NDUFAF3: variants seen among roughly 807,000 people sequenced by gnomAD.
NDUFAF3 encodes the protein NADH:ubiquinone oxidoreductase complex assembly factor 3.
In NDUFAF3, 21 loss-of-function variants were observed where a neutral mutation model predicts 22.6. The observed-to-expected ratio is 0.93, with a 90% CI of 0.66 to 1.34. The LOEUF (loss-of-function observed/expected upper bound fraction) is 1.34. Ranked by LOEUF, NDUFAF3 falls within the 40% of genes most tolerant of loss-of-function variation. The probability of loss-of-function intolerance (pLI) is 0.00; values close to 1 mark genes in which losing one functional copy is unlikely to be tolerated. For missense variants in NDUFAF3, 251 were observed against 248.4 expected (o/e 1.01, Z -0.07); for synonymous variants, 113 against 104.9 (o/e 1.08, Z -0.47).
chr3:49,022,385 C>T lies in NDUFAF3; in HGVS notation c.117C>T (p.Asp39=), dbSNP rs549232705. The change falls in exon 2 of 5, where the codon GAC becomes GAT. Residue 39 remains aspartate, a synonymous_variant. Transcript: ENST00000326925. The surrounding 1 kb of genome is among the most constrained non-coding windows in gnomAD (Gnocchi z 6.6). ...RRGHRLSPAD[D]ELYQRTRISL... is the part of the protein sequence containing the mutation. ...GGCATCGGCTCTCGCCGGCGGATGA[C>T]GAGCTGTATCAGCGGACGCGCATCT... 1.3e-5 allele frequency: 21 copies of T among 1,612,750 alleles called. No individual in the cohort carries two copies. The East Asian group carries it at 4.2e-4, about 33-fold the overall frequency.
upstream of NDUFAF3, chr3:49,022,081 G>T: frequency 1.3e-6 from 2 of 1,535,048 alleles, no homozygotes; most frequent in Admixed American, 1.9e-5. The surrounding 1 kb of genome is among the most constrained non-coding windows in gnomAD (Gnocchi z 6.6). Context: ...GTCAGGCTCC[G>T]CAGGGCCCTC....
chr3:49,022,570 G>A lies in NDUFAF3; in HGVS notation c.270+32G>A, dbSNP rs747237900. 1.9e-6 allele frequency: 3 copies of A among 1,613,334 alleles called. No individual in the cohort carries two copies. Among genetic ancestry groups the A allele is most frequent in the Non-Finnish European group, 2.5e-6 (3 of 1,179,914 alleles). On this transcript the variant is annotated intron_variant, in intron 2 of 4. Transcript: ENST00000326925. This position sits in a 1 kb window ranked among gnomAD's most constrained non-coding sequence, Gnocchi z 6.6. ...CCTGGCCCGCAGTGTGGAAACTGAGGCCCAGAGTCACAGGCCCTCACCCTG... is the reference window on the plus strand; with the variant it reads ...CCTGGCCCGCAGTGTGGAAACTGAGACCCAGAGTCACAGGCCCTCACCCTG...
At position 49,022,603 on chromosome 3, in the gene NDUFAF3, C is replaced by T. The variant is rs1227325623; in HGVS notation, c.270+65C>T. 6.2e-6 allele frequency: 10 copies of T among 1,613,068 alleles called. No individual in the cohort carries two copies. The highest frequency in any genetic ancestry group is 7.6e-6 in the Non-Finnish European group (9 of 1,179,456). On this transcript the variant is annotated intron_variant, in intron 2 of 4. Transcript: ENST00000326925. The surrounding 1 kb of genome is among the most constrained non-coding windows in gnomAD (Gnocchi z 6.6). ...TCACAGGCCCTCACCCTGCTTGGTCCCTGCAAACTTGGCTTTCCTCTGTCT... is the reference window on the plus strand; with the variant it reads ...TCACAGGCCCTCACCCTGCTTGGTCTCTGCAAACTTGGCTTTCCTCTGTCT...
chr3:49,020,942 C>G (rs540146811), upstream of NDUFAF3: 3 of 180,132 alleles, frequency 1.7e-5, 1 homozygote, highest in African/African-American at 7.1e-5. Context: ...CCCTGTTGGT[C>G]CCACGAAGCC....
At position 49,022,774 on chromosome 3, in the gene NDUFAF3, G is replaced by C. The variant is rs773511739; in HGVS notation, c.337+6G>C. On this transcript the variant is annotated splice_donor_region_variant and intron_variant, in intron 3 of 4. Transcript: ENST00000326925. The surrounding 1 kb of genome is among the most constrained non-coding windows in gnomAD (Gnocchi z 6.6). ...GTTGCTGGAGCCCCGGATAGGTACT[G>C]GGGAAGGGGAGGGAGAACAGAGGTG... The C allele has an allele frequency of 6.2e-7, 1 of 1,614,006 alleles. No homozygotes were observed. Among genetic ancestry groups the C allele is most frequent in the Non-Finnish European group, 8.5e-7 (1 of 1,180,020 alleles).
chr3:49,022,622 T>G lies in NDUFAF3; in HGVS notation c.271-80T>G. ...TTGGTCCCTGCAAACTTGGCTTTCC[T>G]CTGTCTCCTCCTGCAGTGGATGGAG... On this transcript the variant is annotated intron_variant, in intron 2 of 4. Coordinates refer to ENST00000326925, the MANE Select transcript of NDUFAF3 (RefSeq NM_199069.2). The surrounding 1 kb of genome is among the most constrained non-coding windows in gnomAD (Gnocchi z 6.6). 3 of 1,613,012 alleles carry G rather than the reference T, an allele frequency of 1.9e-6. No individual in the cohort carries two copies. The highest frequency in any genetic ancestry group is 2.5e-6 in the Non-Finnish European group (3 of 1,179,168).
Position 49,022,947 on chromosome 3 carries a change from CGGGGCATT to C in NDUFAF3, c.411_418del (p.Gly138CysfsTer19). Reference sequence around the variant, plus strand: ...CCAGGTGCTTCAAGCCATGAGGCAGCGGGGCATTGCTGTGGAAGTGCAGGACACGGTGA... The same window carrying C: ...CCAGGTGCTTCAAGCCATGAGGCAGCGCTGTGGAAGTGCAGGACACGGTGA... On this transcript the variant is annotated frameshift_variant, in exon 4 of 5. Transcript: ENST00000326925. LOFTEE classifies it high-confidence loss of function. The surrounding 1 kb of genome is among the most constrained non-coding windows in gnomAD (Gnocchi z 6.6). 2 of 1,614,032 alleles carry C rather than the reference CGGGGCATT, an allele frequency of 1.2e-6. No individual in the cohort carries two copies. The highest frequency in any genetic ancestry group is 2.2e-5 in the South Asian group (2 of 91,062).
chr3:49,023,025 A>G (rs750140699), intron 4 of NDUFAF3, 31 bp from the exon 5 acceptor site: 1 of 1,612,616 alleles, frequency 6.2e-7, no homozygotes, highest in Non-Finnish European at 8.5e-7. Context: ...GCCTGGCGCT[A>G]GACAGGCTGA....
At position 49,022,819 on chromosome 3, in the gene NDUFAF3, A is replaced by AC. The variant is rs746400953; in HGVS notation, c.338-52dup. On this transcript the variant is annotated intron_variant, in intron 3 of 4. Transcript: ENST00000326925. This position sits in a 1 kb window ranked among gnomAD's most constrained non-coding sequence, Gnocchi z 6.6. ...GAGGTGTTCTGGGCCCCAGAAGGCGACCCCCACTGCAGCCTCTCAACAGAA... is the reference window on the plus strand; with the variant it reads ...GAGGTGTTCTGGGCCCCAGAAGGCGACCCCCCACTGCAGCCTCTCAACAGAA... 5.6e-6 allele frequency: 9 copies of AC among 1,612,144 alleles called. No homozygotes were observed. The highest frequency in any genetic ancestry group is 1.7e-5 in the Admixed American group (1 of 59,938).
chr3:49,023,136 G>C lies in NDUFAF3; in HGVS notation c.519G>C (p.Gly173=). The C allele has an allele frequency of 6.2e-7, 1 of 1,614,130 alleles. No homozygotes were observed. Among genetic ancestry groups the C allele is most frequent in the Non-Finnish European group, 8.5e-7 (1 of 1,180,022 alleles). ...CTGCTCTCATCCCTCCACCAGGAGG[G>C]ACTTCACTTACATCTTTGGGCCAAG... ...TGAALIPPPG[G]TSLTSLGQAA... Residue 173 remains glycine, a synonymous_variant, in exon 5 of 5, where the codon GGG becomes GGC. Transcript: ENST00000326925.
upstream of NDUFAF3, chr3:49,020,649 C>A: frequency 2.0e-6 from 1 of 489,550 alleles, no homozygotes; most frequent in African/African-American, 2.0e-5. Flanking sequence ...AATCCAAGCG[C>A]AGCTGGAATG....
upstream of NDUFAF3, chr3:49,021,801 C>T (rs1451806630): frequency 8.1e-6 from 3 of 371,226 alleles, no homozygotes; most frequent in East Asian, 1.7e-4. This position sits in a 1 kb window ranked among gnomAD's most constrained non-coding sequence, Gnocchi z 4.1. Flanking sequence ...GGTCGCCCCG[C>T]CCCGGGAGCG....
chr3:49,023,027 A>G, intron 4 of NDUFAF3, 29 bp from the exon 5 acceptor site: 1 of 1,612,838 alleles, frequency 6.2e-7, no homozygotes, highest in Non-Finnish European at 8.5e-7. Context: ...CTGGCGCTAG[A>G]CAGGCTGATG....
At position 49,022,884 on chromosome 3, in the gene NDUFAF3, G is replaced by A. The variant is rs369962848; in HGVS notation, c.346G>A (p.Val116Met). 4.3e-6 allele frequency: 7 copies of A among 1,613,902 alleles called. No individual in the cohort carries two copies. The African/African-American group carries it at 9.3e-5, about 22-fold the overall frequency. ...WLLEPRIEIV[V>M]VGTGDRTERL... ...CACCCACCCTTCCCTAGAGATCGTGGTGGTGGGGACTGGAGACCGGACCGA... is the reference window on the plus strand; with the variant it reads ...CACCCACCCTTCCCTAGAGATCGTGATGGTGGGGACTGGAGACCGGACCGA... The change falls in exon 4 of 5, where the codon GTG (valine) becomes ATG (methionine). Residue 116 changes from valine (V) to methionine (M), a missense_variant. Coordinates refer to ENST00000326925, the MANE Select transcript of NDUFAF3 (RefSeq NM_199069.2). This position sits in a 1 kb window ranked among gnomAD's most constrained non-coding sequence, Gnocchi z 6.6.
chr3:49,023,101 G>A lies in NDUFAF3; in HGVS notation c.484G>A (p.Val162Ile), dbSNP rs1559913479. The A allele has an allele frequency of 1.2e-6, 2 of 1,614,174 alleles. No individual in the cohort carries two copies. Among genetic ancestry groups the A allele is most frequent in the Non-Finnish European group, 1.7e-6 (2 of 1,180,046 alleles). ...CAACTTCCTGTGTCATGAAGGCCGA[G>A]TAACTGGAGCTGCTCTCATCCCTCC... is the stretch of plus-strand genomic sequence containing the variant. ...TFNFLCHEGR[V>I]TGAALIPPPG... Residue 162 changes from valine to isoleucine, a missense_variant, in exon 5 of 5, where the codon GTA (valine) becomes ATA (isoleucine). Transcript: ENST00000326925.
In NDUFAF3 at chr3:49,022,969, A is replaced by G. The variant is rs2093176944; in HGVS notation, c.431A>G (p.Gln144Arg). The G allele has an allele frequency of 6.2e-7, 1 of 1,614,104 alleles. No individual in the cohort carries two copies. Among genetic ancestry groups the G allele is most frequent in the Non-Finnish European group, 8.5e-7 (1 of 1,180,006 alleles). Residue 144 changes from glutamine to arginine, a missense_variant, in exon 4 of 5, where the codon CAG becomes CGG. Gln to Arg is a conservative substitution (Grantham distance 43). Transcript: ENST00000326925. This position sits in a 1 kb window ranked among gnomAD's most constrained non-coding sequence, Gnocchi z 6.6. The stretch of plus-strand genomic sequence containing the variant: ...CAGCGGGGCATTGCTGTGGAAGTGC[A>G]GGACACGGTGAGTCCCGGGACTGGG... ...MRQRGIAVEVQDTPNACATFN... is the reference protein window; with the variant it reads ...MRQRGIAVEVRDTPNACATFN...
In NDUFAF3 at chr3:49,022,818, G is replaced by A. The variant is rs757089762; in HGVS notation, c.337+50G>A. 15 of 1,612,948 alleles carry A rather than the reference G, an allele frequency of 9.3e-6. No individual in the cohort carries two copies. The highest frequency in any genetic ancestry group is 1.3e-5 in the Non-Finnish European group (15 of 1,179,572). ...AGAGGTGTTCTGGGCCCCAGAAGGCGACCCCCACTGCAGCCTCTCAACAGA... is the reference window on the plus strand; with the variant it reads ...AGAGGTGTTCTGGGCCCCAGAAGGCAACCCCCACTGCAGCCTCTCAACAGA... On this transcript the variant is annotated intron_variant, in intron 3 of 4. Coordinates refer to ENST00000326925, the MANE Select transcript of NDUFAF3 (RefSeq NM_199069.2). This position sits in a 1 kb window ranked among gnomAD's most constrained non-coding sequence, Gnocchi z 6.6.
chr3:49,022,111 C>T (rs200475080), upstream of NDUFAF3: 5 of 1,594,052 alleles, frequency 3.1e-6, no homozygotes, highest in Non-Finnish European at 4.3e-6. The surrounding 1 kb of genome is among the most constrained non-coding windows in gnomAD (Gnocchi z 6.6). Flanking sequence ...GGACTAACGG[C>T]GCCGGTGACG....
chr3:49,022,565 C>CT lies in NDUFAF3; in HGVS notation c.270+28dup. 1 of 1,613,508 alleles carries CT rather than the reference C, an allele frequency of 6.2e-7. No individual in the cohort carries two copies. The highest frequency in any genetic ancestry group is 8.5e-7 in the Non-Finnish European group (1 of 1,179,950). ...TGAGTCCTGGCCCGCAGTGTGGAAACTGAGGCCCAGAGTCACAGGCCCTCA... is the reference window on the plus strand; with the variant it reads ...TGAGTCCTGGCCCGCAGTGTGGAAACTTGAGGCCCAGAGTCACAGGCCCTCA... On this transcript the variant is annotated intron_variant, in intron 2 of 4. Coordinates refer to ENST00000326925, the MANE Select transcript of NDUFAF3 (RefSeq NM_199069.2). This position sits in a 1 kb window ranked among gnomAD's most constrained non-coding sequence, Gnocchi z 6.6.
Sources: gnomAD v4.1 joint callset for allele counts on GRCh38, gnomAD v4.1.1 for gene constraint, Gnocchi (gnomAD v3.1) non-coding constraint, MANE v1.5 for transcripts, NCBI Gene and HGNC (gene_info 2026-07-23, HGNC 2026-07-21) for gene names.